Variants in RNGTT observed in about 807,000 individuals in gnomAD.
The protein encoded by RNGTT is RNA guanylyltransferase and 5'-phosphatase, also known as mRNA-capping enzyme.
In RNGTT, 33 loss-of-function variants were observed where a neutral mutation model predicts 79.3. That is an observed-to-expected ratio of 0.42 (90% CI 0.32 to 0.56). The LOEUF is 0.56. Ranked by LOEUF, RNGTT falls within the 20% of genes least tolerant of loss-of-function variation. The pLI is 0.17. For synonymous variants in RNGTT, 222 were observed against 235.9 expected (o/e 0.94, Z 0.54); for missense variants, 497 against 739.1 (o/e 0.67, Z 3.80).
intron 13 of RNGTT, chr6:88,714,440 T>C (rs1047405915): frequency 7.7e-6 from 1 of 129,724 alleles, no homozygotes; most frequent in Non-Finnish European, 1.5e-5. Flanking sequence ...AAAGTAAAAG[T>C]ACTTTTTTTT....
chr6:88,689,546 A>T (rs1351457769), intron 13 of RNGTT, among the ~76,000 whole-genome samples: 6 of 150,940 alleles, frequency 4.0e-5, no homozygotes, highest in Non-Finnish European at 2.9e-5. Context: ...GTGAGCCGAG[A>T]TCGCGCCATT....
intron 14 of RNGTT, among the ~76,000 whole-genome samples, chr6:88,664,561 G>C (rs1774319936): frequency 6.6e-6 from 1 of 152,114 alleles, no homozygotes; most frequent in Non-Finnish European, 1.5e-5. Context: ...CTATTAGAGG[G>C]GTCCCCCTGA....
In RNGTT at chr6:88,849,845, G is replaced by T. The variant is rs747555164; in HGVS notation, c.1033-19C>A. On this transcript the variant is annotated intron_variant, in intron 9 of 15. Transcript: ENST00000369485. ...TCATCTCCTTGAAAGAGAAAAGAAG[G>T]TAAGTTTCTTCATACTTTAATAACA... The T allele has an allele frequency of 1.3e-6, 2 of 1,523,548 alleles. No individual in the cohort carries two copies. The highest frequency in any genetic ancestry group is 4.8e-5 in the East Asian group (2 of 41,238). The allele number at this position is 1,523,548 out of a possible 1,614,324, so 94.4% of individuals were successfully genotyped here.
chr6:88,885,020 T>G (rs1009720448), intron 8 of RNGTT, among the ~76,000 whole-genome samples: 3 of 151,940 alleles, frequency 2.0e-5, no homozygotes, highest in South Asian at 4.1e-4. Context: ...GATTTGGAAG[T>G]ATCAGTACGA....
chr6:88,801,546 AC>A lies in RNGTT; in HGVS notation c.1338+17del. ...CAAACACACAAACGAACACACACACACAGACAAATGAACTTACTCCAGTAGG... is the reference window on the plus strand; with the variant it reads ...CAAACACACAAACGAACACACACACAAGACAAATGAACTTACTCCAGTAGG... On this transcript the variant is annotated intron_variant, in intron 12 of 15. Coordinates refer to ENST00000369485, the MANE Select transcript of RNGTT (RefSeq NM_003800.5). The A allele has an allele frequency of 6.2e-7, 1 of 1,602,734 alleles. No individual in the cohort carries two copies. The highest frequency in any genetic ancestry group is 1.1e-5 in the South Asian group (1 of 90,722).
rs561040042 is a variant in RNGTT, at chr6:88,953,384, G to A, written c.64+9962C>T. On this transcript the variant is annotated intron_variant, in intron 1 of 15. Coordinates refer to ENST00000369485, the MANE Select transcript of RNGTT (RefSeq NM_003800.5). Reference sequence around the variant, plus strand: ...AGTAGAAGAAAGTACTTCAGAGCTCGAAGACAAAGCTTTCAAATTAACCCA... The same window carrying A: ...AGTAGAAGAAAGTACTTCAGAGCTCAAAGACAAAGCTTTCAAATTAACCCA... Among the ~76,000 whole-genome samples, 65 of 152,044 alleles carry A rather than the reference G, an allele frequency of 4.3e-4. No individual in the cohort carries two copies. The South Asian group carries it at 7.7e-3, about 18-fold the overall frequency.
intron 8 of RNGTT, among the ~76,000 whole-genome samples, chr6:88,884,300 A>G (rs1782787949): frequency 6.6e-6 from 1 of 152,236 alleles, no homozygotes; most frequent in Admixed American, 6.5e-5. Flanking sequence ...CAATGGGTAC[A>G]ATGCAGCTGT....
chr6:88,786,408 A>G (rs1431726360), intron 12 of RNGTT, among the ~76,000 whole-genome samples: 1 of 152,236 alleles, frequency 6.6e-6, no homozygotes, highest in African/African-American at 2.4e-5. Flanking sequence ...AAGATTGAAT[A>G]CCTGCATATT....
chr6:88,839,919 A>C (rs1781209716), intron 11 of RNGTT, among the ~76,000 whole-genome samples: 1 of 152,226 alleles, frequency 6.6e-6, no homozygotes, highest in South Asian at 2.1e-4. Flanking sequence ...TATTGTGTTT[A>C]ACAGATCAAA....
intron 1 of RNGTT, among the ~76,000 whole-genome samples, chr6:88,952,271 C>A (rs1223906368): frequency 1.3e-5 from 2 of 152,142 alleles, no homozygotes; most frequent in African/African-American, 4.8e-5. Context: ...GCAAGCCCCA[C>A]CCAAGGAGAG....
intron 10 of RNGTT, 39 bp downstream of exon 10, chr6:88,849,716 T>C: frequency 6.8e-7 from 1 of 1,468,066 alleles, no homozygotes; most frequent in Non-Finnish European, 9.1e-7. Flanking sequence ...ATTCATTATT[T>C]CAGTAATAAC....
intron 13 of RNGTT, among the ~76,000 whole-genome samples, chr6:88,742,279 A>C (rs1777518345): frequency 6.6e-6 from 1 of 152,212 alleles, no homozygotes; most frequent in Admixed American, 6.5e-5. Context: ...ATCACAGACA[A>C]CTGAGAGGAA....
At chr6:88,790,948 C>T (rs2127855344) in intron 12 of RNGTT, among the ~76,000 whole-genome samples, 1 of 152,244 alleles carries the variant, frequency 6.6e-6, no homozygotes, top group African/African-American at 2.4e-5. Context: ...TTAAGGTCTA[C>T]AGCTATCCAT....
chr6:88,892,189 A>G (rs542107923), intron 6 of RNGTT, among the ~76,000 whole-genome samples: 65 of 152,206 alleles, frequency 4.3e-4, no homozygotes, highest in African/African-American at 1.5e-3. Flanking sequence ...CCATTTATTG[A>G]GATCCAAGCA....
intron 13 of RNGTT, among the ~76,000 whole-genome samples, chr6:88,738,122 CTT>C (rs1777345859): frequency 1.3e-5 from 2 of 152,258 alleles, no homozygotes; most frequent in South Asian, 4.1e-4. Context: ...AGTATGTACT[CTT>C]GATACAGTGT....
chr6:88,684,209 C>T (rs1775193217), intron 13 of RNGTT, among the ~76,000 whole-genome samples: 1 of 152,056 alleles, frequency 6.6e-6, no homozygotes, highest in Admixed American at 6.6e-5. Flanking sequence ...TGAGAATGGC[C>T]AAAATCCAGA....
At chr6:88,845,970 A>C (rs1462538929) in intron 10 of RNGTT, among the ~76,000 whole-genome samples, 2 of 152,104 alleles carry the variant, frequency 1.3e-5, no homozygotes, top group Non-Finnish European at 2.9e-5. Context: ...ATAAAATTAA[A>C]GTAGAATAAG....
At chr6:88,870,684 G>A (rs1281836568) in intron 8 of RNGTT, among the ~76,000 whole-genome samples, 1 of 151,980 alleles carries the variant, frequency 6.6e-6, no homozygotes, top group Non-Finnish European at 1.5e-5. Context: ...GCACTTTAAG[G>A]TCATTTGCAA....
chr6:88,817,717 C>T (rs1780359727), intron 11 of RNGTT, among the ~76,000 whole-genome samples: 1 of 150,212 alleles, frequency 6.7e-6, no homozygotes, highest in African/African-American at 2.4e-5. Context: ...CTAACCTATC[C>T]CATGCCTTCA....
Sources: allele counts gnomAD v4.1 joint callset (sites outside exome capture counted in the v4.1 genomes callset), GRCh38; gene constraint gnomAD v4.1.1; transcripts MANE v1.5; gene names NCBI Gene and HGNC (gene_info 2026-07-23, HGNC 2026-07-21).